CDH20: variants seen among roughly 807,000 people sequenced by gnomAD.
The protein encoded by CDH20 is cadherin-20.
CDH20 carries 29 observed loss-of-function variants against 74.2 expected under a neutral mutation model. The ratio of observed to expected loss-of-function variants is 0.39; its 90% confidence interval spans 0.29 to 0.53. CDH20 has a LOEUF of 0.53. Ranked by LOEUF, CDH20 falls within the 20% of genes least tolerant of loss-of-function variation. The pLI, the probability that CDH20 is intolerant of heterozygous loss-of-function variation, is 0.69. For synonymous variants in CDH20, 469 were observed against 405.4 expected (o/e 1.16, Z -1.88); for missense variants, 988 against 1,048.3 (o/e 0.94, Z 0.79).
At chr18:61,486,134 A>T (rs2144287670) in intron 1 of CDH20, among the ~76,000 whole-genome samples, 2 of 152,332 alleles carry the variant, frequency 1.3e-5, no homozygotes. Flanking sequence ...CCTTCTGTAT[A>T]GAGTACAGAA....
intron 1 of CDH20, among the ~76,000 whole-genome samples, chr18:61,335,329 G>A (rs769436990): frequency 6.6e-6 from 1 of 152,172 alleles, no homozygotes; most frequent in Non-Finnish European, 1.5e-5. Flanking sequence ...GCCAACTCTT[G>A]GCTTGACCCT....
Position 61,507,556 on chromosome 18 carries a change from A to G in CDH20, c.1013A>G (p.Lys338Arg), listed in dbSNP as rs755675304. ...TTCCAAGTTGGTATCATAACTGTGA[A>G]GAAGGTAATCCAACTCCTTTTTCTA... Reference protein sequence around the residue: ...PNFQVGIITVKKPLSFESKKS... With the variant: ...PNFQVGIITVRKPLSFESKKS... The change falls in exon 6 of 12, where the codon AAG becomes AGG. Residue 338 changes from lysine to arginine, a missense_variant. This residue lies in a region of CDH20 where 613 missense variants were observed against 755.2 expected (regional missense o/e 0.81). Transcript: ENST00000262717. The G allele has an allele frequency of 6.2e-7, 1 of 1,603,780 alleles. No homozygotes were observed. Among genetic ancestry groups the G allele is most frequent in the Non-Finnish European group, 8.5e-7 (1 of 1,174,848 alleles).
At chr18:61,535,750 G>C (rs1417972949) in intron 7 of CDH20, among the ~76,000 whole-genome samples, 1 of 152,224 alleles carries the variant, frequency 6.6e-6, no homozygotes, top group East Asian at 1.9e-4. Context: ...AATGGACGAA[G>C]TGCATTGCTC....
intron 6 of CDH20, among the ~76,000 whole-genome samples, chr18:61,508,639 A>T (rs577094588): frequency 1.6e-4 from 25 of 152,022 alleles, no homozygotes; most frequent in African/African-American, 5.8e-4. Flanking sequence ...TATTATTATT[A>T]TTATTTTTCA....
At chr18:61,378,869 T>C (rs1911337177) in intron 1 of CDH20, among the ~76,000 whole-genome samples, 2 of 152,192 alleles carry the variant, frequency 1.3e-5, no homozygotes, top group South Asian at 2.1e-4. Flanking sequence ...AACCACACTC[T>C]AAGCACAATT....
chr18:61,369,556 G>A lies in CDH20; in HGVS notation c.-153+35729G>A, dbSNP rs191141417. On this transcript the variant is annotated intron_variant, in intron 1 of 11. Coordinates refer to ENST00000262717, the MANE Select transcript of CDH20 (RefSeq NM_031891.4). The stretch of plus-strand genomic sequence containing the variant: ...TCCTATCATTTGACCCAGGAGTCTT[G>A]TTACTGGGTATATATCCAAAGGAAT... Among the ~76,000 whole-genome samples the A allele has an allele frequency of 2.0e-4, 30 of 152,064 alleles. No homozygotes were observed. The East Asian group carries it at 5.6e-3, about 28-fold the overall frequency.
chr18:61,364,527 G>A lies in CDH20; in HGVS notation c.-153+30700G>A, dbSNP rs373195056. 1.8e-4 allele frequency among the ~76,000 whole-genome samples: 27 copies of A among 152,268 alleles called. No homozygotes were observed. In the East Asian group the frequency reaches 5.2e-3, roughly 29 times the overall value. ...TGGTTTCTCCATGTTGGTCAGGCTG[G>A]TCTCGAACTCCCAACCTCAGGTGAT... On this transcript the variant is annotated intron_variant, in intron 1 of 11. Coordinates refer to ENST00000262717, the MANE Select transcript of CDH20 (RefSeq NM_031891.4).
intron 6 of CDH20, among the ~76,000 whole-genome samples, chr18:61,520,867 A>AT (rs1364373362): frequency 1.3e-5 from 2 of 151,224 alleles, no homozygotes; most frequent in African/African-American, 2.5e-5. Context: ...TAAGGCAGAA[A>AT]TAAGCTTCTT....
In CDH20 at chr18:61,528,357, TTG is replaced by T. The variant is rs1201041589; in HGVS notation, c.1271+139_1271+140del. Reference sequence around the variant, plus strand: ...GACTCTCCTCTTTGAGTTTTTTGTGTTGTTTTTTTTTTTTTCCCTTAAATAAC... The same window carrying T: ...GACTCTCCTCTTTGAGTTTTTTGTGTTTTTTTTTTTTTTCCCTTAAATAAC... On this transcript the variant is annotated intron_variant, in intron 7 of 11. Coordinates refer to ENST00000262717, the MANE Select transcript of CDH20 (RefSeq NM_031891.4). 52 of 917,038 alleles carry T rather than the reference TTG, an allele frequency of 5.7e-5. No homozygotes were observed. The African/African-American group carries it at 6.5e-4, about 11-fold the overall frequency. 56.8% of individuals were successfully genotyped at this position (917,038 alleles called of 1,614,324 possible).
intron 1 of CDH20, among the ~76,000 whole-genome samples, chr18:61,439,981 A>G (rs1007647376): frequency 1.3e-5 from 2 of 152,196 alleles, no homozygotes; most frequent in Non-Finnish European, 1.5e-5. Context: ...GGCTTTTTCT[A>G]TGGCAAACTC....
At chr18:61,410,096 C>T (rs1434594234) in intron 1 of CDH20, among the ~76,000 whole-genome samples, 1 of 152,130 alleles carries the variant, frequency 6.6e-6, no homozygotes, top group Non-Finnish European at 1.5e-5. Flanking sequence ...TACTATTGTC[C>T]TACTATGTTT....
intron 1 of CDH20, among the ~76,000 whole-genome samples, chr18:61,402,009 C>T (rs1326939492): frequency 1.3e-5 from 2 of 152,122 alleles, no homozygotes; most frequent in Non-Finnish European, 2.9e-5. Flanking sequence ...GGAATATTGA[C>T]CAAAGGTTGG....
At chr18:61,454,654 C>T (rs946613603) in intron 1 of CDH20, among the ~76,000 whole-genome samples, 2 of 152,214 alleles carry the variant, frequency 1.3e-5, no homozygotes, top group African/African-American at 4.8e-5. Context: ...TTGCTAATCA[C>T]ATCATATCCA....
chr18:61,554,895 G>A lies in CDH20; in HGVS notation c.*200G>A, dbSNP rs985539581. 71 of 1,385,424 alleles carry A rather than the reference G, an allele frequency of 5.1e-5. No individual in the cohort carries two copies. Among genetic ancestry groups the A allele is most frequent in the Non-Finnish European group, 6.4e-5 (69 of 1,071,662 alleles). 85.8% of individuals were successfully genotyped at this position (1,385,424 alleles called of 1,614,324 possible). On this transcript the variant is annotated 3_prime_UTR_variant, in exon 12 of 12. Transcript: ENST00000262717. ...CAAAAGGAAACCCAGAAGGAAGAGG[G>A]CAGAATCTTTAATTACCTTTTTTTC... is the stretch of plus-strand genomic sequence containing the variant.
chr18:61,531,332 G>C (rs1216396087), intron 7 of CDH20, among the ~76,000 whole-genome samples: 1 of 152,150 alleles, frequency 6.6e-6, no homozygotes, highest in Admixed American at 6.5e-5. Flanking sequence ...AGTATAGAAA[G>C]CTGCTTTCTC....
chr18:61,393,754 C>A (rs1911870318), intron 1 of CDH20, among the ~76,000 whole-genome samples: 1 of 152,080 alleles, frequency 6.6e-6, no homozygotes, highest in Non-Finnish European at 1.5e-5. Flanking sequence ...AATCATTTTC[C>A]TGACCAGTTA....
chr18:61,458,501 C>T (rs962836392), intron 1 of CDH20, among the ~76,000 whole-genome samples: 7 of 152,152 alleles, frequency 4.6e-5, no homozygotes, highest in African/African-American at 1.7e-4. Context: ...GCAGCTGGGT[C>T]TGAGTTCTGC....
At position 61,532,563 on chromosome 18, in the gene CDH20, C is replaced by G. The variant is rs1224122987; in HGVS notation, c.1272-3930C>G. On this transcript the variant is annotated intron_variant, in intron 7 of 11. Transcript: ENST00000262717. Reference sequence around the variant, plus strand: ...ATATATATATATATATATACACACACACACACATATATATAAAAAACAAAA... The same window carrying G: ...ATATATATATATATATATACACACAGACACACATATATATAAAAAACAAAA... 2.0e-5 allele frequency among the ~76,000 whole-genome samples: 3 copies of G among 151,052 alleles called. No individual in the cohort carries two copies. The East Asian group carries it at 5.8e-4, about 29-fold the overall frequency.
At chr18:61,377,076 G>C (rs1911260559) in intron 1 of CDH20, among the ~76,000 whole-genome samples, 1 of 152,152 alleles carries the variant, frequency 6.6e-6, no homozygotes, top group African/African-American at 2.4e-5. Context: ...TCAGGGACAT[G>C]AGTCCCACCC....
Sources: gnomAD v4.1 joint callset for allele counts (sites outside exome capture counted in the v4.1 genomes callset) on GRCh38, gnomAD v4.1.1 for gene constraint, gnomAD v4.1.1 regional missense constraint, MANE v1.5 for transcripts, NCBI Gene and HGNC (gene_info 2026-07-23, HGNC 2026-07-21) for gene names.